Variants in AAMDC observed in about 807,000 individuals in gnomAD.
AAMDC encodes the protein adipogenesis associated Mth938 domain containing, also known as mth938 domain-containing protein.
In AAMDC, 16 loss-of-function variants were observed where a neutral mutation model predicts 15.5. That is an observed-to-expected ratio of 1.03 (90% confidence interval 0.70 to 1.57). The LOEUF (loss-of-function observed/expected upper bound fraction) is 1.57, where lower values mean the gene tolerates loss of function less well. Among genes scored for constraint, AAMDC ranks in the 40% most tolerant of loss-of-function variants. AAMDC has a pLI of 0.00. For synonymous variants in AAMDC, 51 were observed against 51.6 expected, an observed-to-expected ratio of 0.99 and a Z score of 0.05; for missense variants, 141 against 144.9, an observed-to-expected ratio of 0.97 and a Z score of 0.14.
At chr11:77,897,764 C>G (rs1414017612) in intron 5 of AAMDC, among the ~76,000 whole-genome samples, 1 of 152,180 alleles carries the variant, frequency 6.6e-6, no homozygotes, top group African/African-American at 2.4e-5. Context: ...TTCGGCCTCC[C>G]AAAGTGCTGG....
At chr11:77,881,120 G>C (rs1464218217) in intron 5 of AAMDC, among the ~76,000 whole-genome samples, 1 of 152,192 alleles carries the variant, frequency 6.6e-6, no homozygotes, top group Non-Finnish European at 1.5e-5. Flanking sequence ...GAACTTGGGA[G>C]AAGGAGACAA....
intron 5 of AAMDC, chr11:77,883,829 T>C: frequency 6.2e-7 from 1 of 1,612,966 alleles, no homozygotes; most frequent in Non-Finnish European, 8.5e-7. Flanking sequence ...CCTGACTCCT[T>C]ACCTGTCCAA....
At chr11:77,882,820 C>T (rs151051000) in intron 5 of AAMDC, among the ~76,000 whole-genome samples, 1,602 of 152,294 alleles carry the variant, frequency 0.011, 30 homozygotes, top group African/African-American at 0.035. Context: ...CCTGTAATCC[C>T]ACTACTTTGG....
chr11:77,858,559 C>CACCT (rs1297344014), intron 2 of AAMDC, among the ~76,000 whole-genome samples: 2 of 152,024 alleles, frequency 1.3e-5, no homozygotes, highest in South Asian at 2.1e-4. Flanking sequence ...TGGATGTGGT[C>CACCT]ACCTTCCCAG....
intron 5 of AAMDC, chr11:77,878,916 C>T (rs1489817770): frequency 6.3e-7 from 1 of 1,577,038 alleles, no homozygotes; most frequent in Admixed American, 1.7e-5. Flanking sequence ...AAGAAGGGCC[C>T]TCTAGGCCAC....
downstream of AAMDC, chr11:77,903,615 C>T (rs1294070454): frequency 1.2e-6 from 2 of 1,613,230 alleles, no homozygotes; most frequent in Non-Finnish European, 1.7e-6. Flanking sequence ...ACTTTTCCTG[C>T]AAGGCCTACG....
intron 2 of AAMDC, among the ~76,000 whole-genome samples, chr11:77,852,019 A>G (rs1270430613): frequency 6.6e-6 from 1 of 152,066 alleles, no homozygotes; most frequent in Non-Finnish European, 1.5e-5. Context: ...TGCTTTATCT[A>G]GTCCTCTGTG....
intron 1 of AAMDC, among the ~76,000 whole-genome samples, chr11:77,821,668 T>G (rs975518341): frequency 6.6e-6 from 1 of 151,388 alleles, no homozygotes; most frequent in African/African-American, 2.4e-5. Context: ...AGGCGGAACA[T>G]GACAGGAGAC....
rs752285965 is a variant in AAMDC at position 77,872,201 on chromosome 11, C to T, written c.255C>T (p.Leu85=). 2 of 1,613,524 alleles carry T rather than the reference C, an allele frequency of 1.2e-6. No individual in the cohort carries two copies. Among genetic ancestry groups the T allele is most frequent in the African/African-American group, 2.7e-5 (2 of 74,920 alleles). Residue 85 remains leucine (L), a synonymous_variant, in exon 4 of 4, where the codon CTC becomes CTT. Coordinates refer to ENST00000393427, the MANE Select transcript of AAMDC (RefSeq NM_024684.4). Reference sequence around the variant, plus strand: ...TGCCTTCATCAACTGTGGAGTACCTCAAGAAACATGGCATTGATGTGCGGG... The same window carrying T: ...TGCCTTCATCAACTGTGGAGTACCTTAAGAAACATGGCATTGATGTGCGGG... The part of the protein sequence containing the change: ...LKVPSSTVEY[L]KKHGIDVRVL...
At chr11:77,862,992 G>C (rs1236048469) in intron 2 of AAMDC, among the ~76,000 whole-genome samples, 1 of 152,078 alleles carries the variant, frequency 6.6e-6, no homozygotes, top group Non-Finnish European at 1.5e-5. Flanking sequence ...AATGTTACCG[G>C]GGGGTCCTTG....
downstream of AAMDC, chr11:77,903,635 C>T (rs765078983): frequency 6.2e-7 from 1 of 1,603,746 alleles, no homozygotes; most frequent in Non-Finnish European, 8.5e-7. Flanking sequence ...GCAGACAAAT[C>T]AGGAGGGAAC....
At chr11:77,841,377 T>G (rs917854238) in intron 1 of AAMDC, 1 of 596,408 alleles carries the variant, frequency 1.7e-6, no homozygotes, top group Non-Finnish European at 3.0e-6. Flanking sequence ...AGTTTTTTCC[T>G]TGATTTTATT....
intron 2 of AAMDC, among the ~76,000 whole-genome samples, chr11:77,867,476 T>G (rs1951171180): frequency 6.6e-6 from 1 of 152,206 alleles, no homozygotes; most frequent in African/African-American, 2.4e-5. Context: ...CTTACCTGAA[T>G]GAAACTCCAT....
intron 3 of AAMDC, among the ~76,000 whole-genome samples, chr11:77,871,582 A>G (rs1200418660): frequency 1.3e-5 from 2 of 152,226 alleles, no homozygotes; most frequent in Admixed American, 6.5e-5. Flanking sequence ...TACATACATG[A>G]GTCAATTTCA....
intron 5 of AAMDC, among the ~76,000 whole-genome samples, chr11:77,894,519 G>A (rs930965741): frequency 5.3e-5 from 8 of 152,116 alleles, no homozygotes; most frequent in Admixed American, 1.3e-4. Flanking sequence ...AACACCTGTC[G>A]GGATCCCAAG....
At chr11:77,889,130 G>A (rs1014060498) in intron 5 of AAMDC, among the ~76,000 whole-genome samples, 30 of 152,166 alleles carry the variant, frequency 2.0e-4, no homozygotes, top group Non-Finnish European at 3.5e-4. Context: ...GCACACATAT[G>A]TTTATTGCGG....
chr11:77,845,542 T>C (rs1388936492), intron 2 of AAMDC, among the ~76,000 whole-genome samples: 1 of 152,132 alleles, frequency 6.6e-6, no homozygotes, highest in African/African-American at 2.4e-5. Flanking sequence ...GCAATTCTCC[T>C]GCCTCAGCCT....
intron 1 of AAMDC, among the ~76,000 whole-genome samples, chr11:77,838,025 A>G (rs1949763707): frequency 6.6e-6 from 1 of 152,212 alleles, no homozygotes; most frequent in Non-Finnish European, 1.5e-5. Context: ...GTGAGCTAAG[A>G]TCACACTACT....
Position 77,842,532 on chromosome 11 carries a change from G to C in AAMDC, c.36G>C (p.Gly12=), listed in dbSNP as rs189775631. The C allele has an allele frequency of 3.1e-6, 5 of 1,613,942 alleles. No individual in the cohort carries two copies. The African/African-American group carries it at 5.3e-5, about 17-fold the overall frequency. The change falls in exon 2 of 4, where the codon GGG becomes GGC. Residue 12 remains glycine, a synonymous_variant. Transcript: ENST00000393427. ...CTGAAATTGCTTCCTTATCATGGGG[G>C]CAAATGAAAGTAAAAGGCTCTAATA... The part of the protein sequence containing the change: ...TSPEIASLSW[G]QMKVKGSNTT...
Sources: allele counts gnomAD v4.1 joint callset (sites outside exome capture counted in the v4.1 genomes callset), GRCh38; gene constraint gnomAD v4.1.1; transcripts MANE v1.5; gene names NCBI Gene and HGNC (gene_info 2026-07-23, HGNC 2026-07-21).